The following LIAS variants were observed in gnomAD, a reference collection of about 807,000 sequenced individuals.
LIAS encodes lipoic acid synthetase.
In LIAS, 36 loss-of-function variants were observed where a neutral mutation model predicts 49.4. That is an observed-to-expected ratio of 0.73 (90% CI 0.56 to 0.96). LIAS has a LOEUF of 0.96. Ranked by LOEUF, LIAS falls within the 40% of genes least tolerant of loss-of-function variation. The pLI is 0.00. For missense variants in LIAS, 399 were observed against 456.3 expected, an observed-to-expected ratio of 0.87 and a Z score of 1.14; for synonymous variants, 145 against 155.8, an observed-to-expected ratio of 0.93 and a Z score of 0.52.
At position 39,462,179 on chromosome 4, in the gene LIAS, T is replaced by C; in HGVS notation, c.219-17T>C. 1.6e-6 allele frequency: 2 copies of C among 1,267,474 alleles called. No homozygotes were observed. Among genetic ancestry groups the C allele is most frequent in the Non-Finnish European group, 2.2e-6 (2 of 914,418 alleles). 78.5% of individuals were successfully genotyped at this position (1,267,474 alleles called of 1,614,324 possible). ...CAGCATATTTGTTAATAGATAGTTA[T>C]GTTTGGCTTTCCTTAGGTTAAGACT... is the stretch of plus-strand genomic sequence containing the variant. On this transcript the variant is annotated splice_polypyrimidine_tract_variant and intron_variant, in intron 2 of 10. Transcript: ENST00000640888.
chr4:39,465,272 C>A lies in LIAS; in HGVS notation c.551-13C>A. ...ATGACATCATCCTGAGCAGTGGATT[C>A]TTTTGTTTCTAGATATGCCTGATGG... On this transcript the variant is annotated splice_polypyrimidine_tract_variant and intron_variant, in intron 5 of 10. Transcript: ENST00000640888. The A allele has an allele frequency of 6.2e-7, 1 of 1,612,626 alleles. No individual in the cohort carries two copies. The highest frequency in any genetic ancestry group is 8.5e-7 in the Non-Finnish European group (1 of 1,179,534).
chr4:39,463,859 A>C (rs1231471138), intron 4 of LIAS: 1 of 574,114 alleles, frequency 1.7e-6, no homozygotes, highest in East Asian at 4.4e-5. Flanking sequence ...TACCTCTCCT[A>C]TCAATGTTTG....
At position 39,459,108 on chromosome 4, in the gene LIAS, T is replaced by G; in HGVS notation, c.-10T>G. On this transcript the variant is annotated 5_prime_UTR_variant, in exon 1 of 11. Transcript: ENST00000640888. ...CTCAACCCCTGCACTGCGCTAGTCC[T>G]AAAGAGGAAATGTCTCTACGCTGCG... 1 of 1,614,074 alleles carries G rather than the reference T, an allele frequency of 6.2e-7. No individual in the cohort carries two copies. The highest frequency in any genetic ancestry group is 8.5e-7 in the Non-Finnish European group (1 of 1,180,010).
At chr4:39,460,637 T>C (rs1268155707) in intron 1 of LIAS, among the ~76,000 whole-genome samples, 153 bp from the exon 2 acceptor site, 1 of 152,208 alleles carries the variant, frequency 6.6e-6, no homozygotes, top group East Asian at 1.9e-4. Context: ...TCATCTTTTA[T>C]ATTCTAATGC....
In LIAS at chr4:39,477,678, A is replaced by ACAT. The variant is rs1381762909; in HGVS notation, c.*564_*566dup. On this transcript the variant is annotated 3_prime_UTR_variant, in exon 11 of 11. Coordinates refer to ENST00000640888, the MANE Select transcript of LIAS (RefSeq NM_006859.4). The stretch of plus-strand genomic sequence containing the variant: ...ATATCTTTGTAAGAATTTTCTTTTA[A>ACAT]CATAATTTTAAAATGCATTAAAAAC... 3 of 152,218 alleles carry ACAT rather than the reference A, an allele frequency of 2.0e-5. No homozygotes were observed. Among genetic ancestry groups the ACAT allele is most frequent in the African/African-American group, 7.2e-5 (3 of 41,418 alleles). The allele number at this position is 152,218 out of a possible 1,614,324, so 9.4% of individuals were successfully genotyped here.
At chr4:39,463,323 A>G (rs1744615882) in intron 3 of LIAS, among the ~76,000 whole-genome samples, 2 of 152,144 alleles carry the variant, frequency 1.3e-5, no homozygotes, top group Admixed American at 6.5e-5. Flanking sequence ...GGCTCAAGCA[A>G]TCCTCCTGCC....
At chr4:39,459,737 A>G (rs1463457834) in intron 1 of LIAS, among the ~76,000 whole-genome samples, 2 of 152,258 alleles carry the variant, frequency 1.3e-5, no homozygotes, top group African/African-American at 2.4e-5. Flanking sequence ...ACACAGAAAC[A>G]ATGTAACCTA....
Position 39,479,178 on chromosome 4 carries a change from C to T in LIAS, c.*2063C>T, listed in dbSNP as rs1411651191. ...TGAGCTGAGATCACATCACTGTACT[C>T]CAGCCTGGGTGACAGAGACCGTGTC... is the stretch of plus-strand genomic sequence containing the variant. On this transcript the variant is annotated 3_prime_UTR_variant, in exon 11 of 11. Coordinates refer to ENST00000640888, the MANE Select transcript of LIAS (RefSeq NM_006859.4). 1 of 152,006 alleles carries T rather than the reference C, an allele frequency of 6.6e-6. No individual in the cohort carries two copies. Among genetic ancestry groups the T allele is most frequent in the Non-Finnish European group, 1.5e-5 (1 of 68,022 alleles). 9.4% of individuals were successfully genotyped at this position (152,006 alleles called of 1,614,324 possible).
intron 8 of LIAS, chr4:39,470,695 G>A (rs537503513): frequency 5.6e-4 from 88 of 156,678 alleles, no homozygotes; most frequent in Non-Finnish European, 1.1e-3. Flanking sequence ...TTTTAGCTGA[G>A]GACCCTTGGA....
At position 39,477,098 on chromosome 4, in the gene LIAS, A is replaced by G; in HGVS notation, c.1102A>G (p.Lys368Glu). The G allele has an allele frequency of 6.3e-7, 1 of 1,597,888 alleles. No homozygotes were observed. Among genetic ancestry groups the G allele is most frequent in the Non-Finnish European group, 8.5e-7 (1 of 1,174,368 alleles). ...CCTGAAAAATCTAGTGGCTAAAAGA[A>G]AAACAAAAGACCTCTAAAACTTCAA... ...FFLKNLVAKRKTKDL is the reference protein window; with the variant it reads ...FFLKNLVAKRETKDL Residue 368 changes from lysine to glutamate, a missense_variant, in exon 11 of 11, where the codon AAA becomes GAA. Transcript: ENST00000640888.
At chr4:39,465,741 C>T (rs1488559754) in intron 6 of LIAS, among the ~76,000 whole-genome samples, 2 of 151,362 alleles carry the variant, frequency 1.3e-5, no homozygotes, top group South Asian at 4.2e-4. Flanking sequence ...CTCACTGCAA[C>T]CTCTGCCTCC....
rs1266272832 is a variant in LIAS at position 39,459,058 on chromosome 4, G to T, written c.-60G>T. On this transcript the variant is annotated 5_prime_UTR_variant, in exon 1 of 11. Coordinates refer to ENST00000640888, the MANE Select transcript of LIAS (RefSeq NM_006859.4). ...AAATGGAGCGACGTAATTTCGACCT[G>T]TCCTTTCCCGGGAGTTAGCGATCCC... 7.5e-6 allele frequency: 12 copies of T among 1,589,430 alleles called. No homozygotes were observed. The African/African-American group carries it at 1.1e-4, about 14-fold the overall frequency.
intron 1 of LIAS, among the ~76,000 whole-genome samples, chr4:39,459,885 G>T (rs987236182): frequency 6.6e-6 from 1 of 151,750 alleles, no homozygotes; most frequent in South Asian, 2.1e-4. Context: ...GCTTGAACCC[G>T]CGAGGCGGAG....
intron 9 of LIAS, among the ~76,000 whole-genome samples, chr4:39,471,793 G>T (rs1174449169): frequency 6.6e-6 from 1 of 152,010 alleles, no homozygotes; most frequent in East Asian, 1.9e-4. Flanking sequence ...CTCCCAAAGC[G>T]CTAGGATTAC....
intron 6 of LIAS, among the ~76,000 whole-genome samples, chr4:39,465,591 C>T (rs1375508814): frequency 6.6e-6 from 1 of 152,106 alleles, no homozygotes; most frequent in Admixed American, 6.5e-5. Context: ...CATAGAATCC[C>T]TCCCTCATAT....
At chr4:39,476,857 T>C in intron 10 of LIAS, 1 of 508,200 alleles carries the variant, frequency 2.0e-6, no homozygotes. Flanking sequence ...GAGACTCTAG[T>C]CATTATTGCT....
At position 39,460,801 on chromosome 4, in the gene LIAS, A is replaced by C. The variant is rs140921822; in HGVS notation, c.57A>C (p.Arg19Ser). ...AACTCTTTCTTTAGGTATTTGGGAG[A>C]TATTTTTGCAGCCCAGTCAGACCGT... is the stretch of plus-strand genomic sequence containing the variant. ...ARTLGPRVFG[R>S]YFCSPVRPLS... Residue 19 changes from arginine to serine, a missense_variant, in exon 2 of 11, where the codon AGA becomes AGC. Physicochemically the swap from Arg to Ser is moderately radical, Grantham distance 110 (BLOSUM62 -1). Around this residue, in one of 3 missense-constraint regions of LIAS, gnomAD observed 159 missense variants for 147.6 expected, o/e 1.08. Transcript: ENST00000640888. The C allele has an allele frequency of 6.1e-4, 959 of 1,574,312 alleles. 9 individuals are homozygous for C. The African/African-American group carries it at 0.012, about 19-fold the overall frequency.
intron 8 of LIAS, 53 bp downstream of exon 8, chr4:39,470,217 G>A: frequency 6.7e-7 from 1 of 1,495,130 alleles, no homozygotes; most frequent in Middle Eastern, 1.8e-4. Context: ...AGTAATAGCA[G>A]GAACCCACTC....
chr4:39,467,436 A>G, intron 6 of LIAS, 82 bp from the exon 7 acceptor site: 1 of 1,374,242 alleles, frequency 7.3e-7, no homozygotes, highest in Non-Finnish European at 9.8e-7. Context: ...AGCATACTGA[A>G]CGATTACTGA....
Sources: allele counts gnomAD v4.1 joint callset (sites outside exome capture counted in the v4.1 genomes callset), GRCh38; gene constraint gnomAD v4.1.1; regional missense constraint gnomAD v4.1.1; transcripts MANE v1.5; gene names NCBI Gene and HGNC (gene_info 2026-07-23, HGNC 2026-07-21).